AMPD2: variants seen among roughly 807,000 people sequenced by gnomAD.
AMPD2 encodes the protein adenosine monophosphate deaminase 2.
A neutral mutation model predicts 91.3 loss-of-function variants in AMPD2; 52 were observed. The observed-to-expected ratio is 0.57, with a 90% CI of 0.46 to 0.72. The LOEUF (loss-of-function observed/expected upper bound fraction) is 0.72. Among genes scored for constraint, AMPD2 ranks in the 30% least tolerant of loss-of-function variants. AMPD2 has a pLI of 0.00. For missense variants in AMPD2, 822 were observed against 1,122.3 expected (o/e 0.73, Z 3.82); for synonymous variants, 455 against 456.4 (o/e 1.00, Z 0.04).
rs755065350 is a variant in AMPD2 at position 109,629,814 on chromosome 1, G to A, written c.1881G>A (p.Thr627=). ...CCCCCAGGCAGAGGGGCTTCCACAC[G>A]TTTGTGCTGAGGCCACACTGTGGGG... ...NHLRRQRGFH[T]FVLRPHCGEA... The change falls in exon 16 of 19, where the codon ACG becomes ACA. Residue 627 remains threonine, a synonymous_variant. Coordinates refer to ENST00000528667, the MANE Select transcript of AMPD2 (RefSeq NM_001368809.2). 1.4e-5 allele frequency: 22 copies of A among 1,607,238 alleles called. No individual in the cohort carries two copies. The highest frequency in any genetic ancestry group is 8.9e-5 in the East Asian group (4 of 44,750).
intron 2 of AMPD2, chr1:109,622,434 G>A: frequency 2.7e-6 from 1 of 375,778 alleles, no homozygotes; most frequent in Non-Finnish European, 5.3e-6. Flanking sequence ...TGTGTGAGGG[G>A]CTCCTGGTCG....
Position 109,626,160 on chromosome 1 carries a change from G to T in AMPD2, c.354G>T (p.Lys118Asn). ...GACTTCTCACCCCTCTTGCCTCTAG[G>T]CTGGAGCCAGACATCCTGCTTCGGG... ...RLERQISQDV[K>N]LEPDILLRAK... is the part of the protein sequence containing the mutation. Residue 118 changes from lysine (K) to asparagine (N), a missense_variant and splice_region_variant, in exon 5 of 19, where the codon AAG (lysine) becomes AAT (asparagine). Around this residue, in one of 5 missense-constraint regions of AMPD2, gnomAD observed 240 missense variants for 270.3 expected, o/e 0.89. Transcript: ENST00000528667. 6.2e-7 allele frequency: 1 copy of T among 1,614,162 alleles called. No individual in the cohort carries two copies. The highest frequency in any genetic ancestry group is 8.5e-7 in the Non-Finnish European group (1 of 1,180,014).
Position 109,626,708 on chromosome 1 carries a change from G to A in AMPD2, c.532-18G>A, listed in dbSNP as rs41314005. On this transcript the variant is annotated intron_variant, in intron 6 of 18. Transcript: ENST00000528667. The stretch of plus-strand genomic sequence containing the variant: ...GAGTCCAAGACTGAGGAGAGTGATC[G>A]CATATCCTCATCTCCAGGTGCCGTT... The A allele has an allele frequency of 2.1e-4, 339 of 1,607,002 alleles. No individual in the cohort carries two copies. Among genetic ancestry groups the A allele is most frequent in the Non-Finnish European group, 1.6e-4 (188 of 1,175,822 alleles).
chr1:109,621,921 G>C (rs1650307860), intron 2 of AMPD2, among the ~76,000 whole-genome samples: 1 of 152,238 alleles, frequency 6.6e-6, no homozygotes, highest in Non-Finnish European at 1.5e-5. Context: ...TGCACCCTTT[G>C]GTTCGTCTCT....
Position 109,629,851 on chromosome 1 carries a change from A to C in AMPD2, c.1918A>C (p.Ile640Leu), listed in dbSNP as rs1651048101. ...GCCACACTGTGGGGAGGCTGGGCCC[A>C]TCCACCACCTGGTGTCAGCCTTCAT... is the stretch of plus-strand genomic sequence containing the variant. ...LRPHCGEAGP[I>L]HHLVSAFMLA... Residue 640 changes from isoleucine (I) to leucine (L), a missense_variant, in exon 16 of 19, where the codon ATC (isoleucine) becomes CTC (leucine). Ile to Leu is a conservative substitution (Grantham distance 5). Transcript: ENST00000528667. 1.2e-6 allele frequency: 2 copies of C among 1,612,522 alleles called. No homozygotes were observed.
In AMPD2 at chr1:109,628,492, C is replaced by T. The variant is rs759000318; in HGVS notation, c.1404C>T (p.Ile468=). 1.9e-6 allele frequency: 3 copies of T among 1,612,262 alleles called. No homozygotes were observed. The highest frequency in any genetic ancestry group is 2.5e-6 in the Non-Finnish European group (3 of 1,180,000). ...CTGGGAAGTACTTTGCTCACATCAT[C>T]AAGGTAAGGAGGCAGCCTTCCCTGC... is the stretch of plus-strand genomic sequence containing the variant. The part of the protein sequence containing the change: ...RVSGKYFAHI[I]KEVMSDLEES... The change falls in exon 12 of 19, where the codon ATC becomes ATT. Residue 468 remains isoleucine (I), a synonymous_variant. Coordinates refer to ENST00000528667, the MANE Select transcript of AMPD2 (RefSeq NM_001368809.2). This position sits in a 1 kb window ranked among gnomAD's most constrained non-coding sequence, Gnocchi z 7.1.
At position 109,625,851 on chromosome 1, in the gene AMPD2, C is replaced by A. The variant is rs1307305691; in HGVS notation, c.353+59C>A. 6 of 1,602,654 alleles carry A rather than the reference C, an allele frequency of 3.7e-6. No homozygotes were observed. The highest frequency in any genetic ancestry group is 4.3e-6 in the Non-Finnish European group (5 of 1,172,714). On this transcript the variant is annotated intron_variant, in intron 4 of 18. Coordinates refer to ENST00000528667, the MANE Select transcript of AMPD2 (RefSeq NM_001368809.2). The surrounding 1 kb of genome is among the most constrained non-coding windows in gnomAD (Gnocchi z 4.0). Reference sequence around the variant, plus strand: ...CATACCCTTCCAGACCCTTTCAGAGCCCCTTTTCTGCCTCTTTCCCTCGCA... The same window carrying A: ...CATACCCTTCCAGACCCTTTCAGAGACCCTTTTCTGCCTCTTTCCCTCGCA...
Position 109,630,699 on chromosome 1 carries a change from A to T in AMPD2, c.2174A>T (p.Glu725Val), listed in dbSNP as rs748638457. The T allele has an allele frequency of 6.2e-7, 1 of 1,611,864 alleles. No homozygotes were observed. Among genetic ancestry groups the T allele is most frequent in the Non-Finnish European group, 8.5e-7 (1 of 1,179,434 alleles). The change falls in exon 18 of 19, where the codon GAG becomes GTG. Residue 725 changes from glutamate to valine, a missense_variant. This residue lies in a region of AMPD2 where 430 missense variants were observed against 606.0 expected (regional missense o/e 0.71). Coordinates refer to ENST00000528667, the MANE Select transcript of AMPD2 (RefSeq NM_001368809.2). Reference sequence around the variant, plus strand: ...CCCGTGCAGGAGCCGCTGATGGAGGAGTACAGCATCGCCACCCAGGTGTGG... The same window carrying T: ...CCCGTGCAGGAGCCGCTGATGGAGGTGTACAGCATCGCCACCCAGGTGTGG... ...FHFTKEPLME[E>V]YSIATQVWKL... is the part of the protein sequence containing the mutation.
At chr1:109,622,541 G>A (rs1360962709) in intron 2 of AMPD2, among the ~76,000 whole-genome samples, 1 of 152,180 alleles carries the variant, frequency 6.6e-6, no homozygotes, top group African/African-American at 2.4e-5. Flanking sequence ...AAGTGTGGGT[G>A]TATGTGTGTG....
chr1:109,629,505 C>G lies in AMPD2; in HGVS notation c.1862+15C>G. The G allele has an allele frequency of 6.2e-7, 1 of 1,610,350 alleles. No homozygotes were observed. Among genetic ancestry groups the G allele is most frequent in the Non-Finnish European group, 8.5e-7 (1 of 1,177,746 alleles). ...CACCTGCGCAGGTGCCTGCACCACC[C>G]TGTGTCTGCTTGCTATGCCATCTCT... On this transcript the variant is annotated intron_variant, in intron 15 of 18. Transcript: ENST00000528667.
chr1:109,625,154 C>T lies in AMPD2; in HGVS notation c.92-149C>T, dbSNP rs1650552693. 1.8e-6 allele frequency: 2 copies of T among 1,125,698 alleles called. No homozygotes were observed. The highest frequency in any genetic ancestry group is 2.5e-6 in the Non-Finnish European group (2 of 807,488). The allele number at this position is 1,125,698 out of a possible 1,614,324, so 69.7% of individuals were successfully genotyped here. ...GAGGGTGAGCCCTTTGGGAGCCACA[C>T]ACACAGGCCTACTCCTCAGCTACTG... On this transcript the variant is annotated intron_variant, in intron 2 of 18. Coordinates refer to ENST00000528667, the MANE Select transcript of AMPD2 (RefSeq NM_001368809.2). This position sits in a 1 kb window ranked among gnomAD's most constrained non-coding sequence, Gnocchi z 4.0.
Position 109,621,310 on chromosome 1 carries a change from T to C in AMPD2, c.91+44T>C, listed in dbSNP as rs758290073. ...GCCTCAGGATAGATGCTGGGCTCTGTCTTGCCACCTCTCGCCCAAGGTGCT... is the reference window on the plus strand; with the variant it reads ...GCCTCAGGATAGATGCTGGGCTCTGCCTTGCCACCTCTCGCCCAAGGTGCT... On this transcript the variant is annotated intron_variant, in intron 2 of 18. Coordinates refer to ENST00000528667, the MANE Select transcript of AMPD2 (RefSeq NM_001368809.2). The C allele has an allele frequency of 3.1e-6, 5 of 1,598,064 alleles. No individual in the cohort carries two copies. In the East Asian group the frequency reaches 1.1e-4, roughly 36 times the overall value.
chr1:109,626,975 G>T, intron 7 of AMPD2, 63 bp downstream of exon 7: 1 of 1,568,912 alleles, frequency 6.4e-7, no homozygotes, highest in Non-Finnish European at 8.6e-7. Flanking sequence ...TCAGCCTGGT[G>T]CCTGGGCACC....
chr1:109,629,729 G>GT, intron 15 of AMPD2, 67 bp from the exon 16 acceptor site: 1 of 1,534,830 alleles, frequency 6.5e-7, no homozygotes, highest in Non-Finnish European at 8.8e-7. Context: ...CTGGGTGGGG[G>GT]TCAGGGGCTC....
At chr1:109,620,794 G>T in intron 1 of AMPD2, 120 bp from the exon 2 acceptor site, 1 of 1,321,610 alleles carries the variant, frequency 7.6e-7, no homozygotes. Context: ...CTGGACTTTG[G>T]CTTCTTTGCC....
chr1:109,620,466 G>A, intron 1 of AMPD2, 188 bp downstream of exon 1: 1 of 1,204,094 alleles, frequency 8.3e-7, no homozygotes, highest in Non-Finnish European at 1.1e-6. Flanking sequence ...AGAGGCTAGG[G>A]TCTCTGTCCC....
chr1:109,628,905 C>T lies in AMPD2; in HGVS notation c.1571+99C>T. On this transcript the variant is annotated intron_variant, in intron 13 of 18. Transcript: ENST00000528667. This position sits in a 1 kb window ranked among gnomAD's most constrained non-coding sequence, Gnocchi z 7.1. ...TAGGATGGCTGAGCCTCCCTTGTCCCTGCCAACCCCTCTGAGTGCAAGGAA... is the reference window on the plus strand; with the variant it reads ...TAGGATGGCTGAGCCTCCCTTGTCCTTGCCAACCCCTCTGAGTGCAAGGAA... 2 of 1,470,660 alleles carry T rather than the reference C, an allele frequency of 1.4e-6. No homozygotes were observed. The highest frequency in any genetic ancestry group is 4.4e-5 in the Admixed American group (2 of 45,944). The allele number at this position is 1,470,660 out of a possible 1,614,324, so 91.1% of individuals were successfully genotyped here.
rs954785479 is a variant in AMPD2 at position 109,631,566 on chromosome 1, G to A, written c.*414G>A. The A allele has an allele frequency of 3.2e-5, 9 of 280,956 alleles. No homozygotes were observed. The highest frequency in any genetic ancestry group is 9.5e-5 in the East Asian group (1 of 10,510). The allele number at this position is 280,956 out of a possible 1,614,324, so 17.4% of individuals were successfully genotyped here. ...AGGCCCCTGTCTTGTTCATGTAGCC[G>A]AGGGGCAGGCGGGGGACCTCTACAC... On this transcript the variant is annotated 3_prime_UTR_variant, in exon 19 of 19. Transcript: ENST00000528667.
At chr1:109,621,439 T>TGGGGGGGTTGGGGGGGGGGGGGGGGGGG in intron 2 of AMPD2, 173 bp downstream of exon 2, 1 of 121,628 alleles carries the variant, frequency 8.2e-6, no homozygotes, top group East Asian at 3.0e-4. Flanking sequence ...TGAGGGGTGG[T>TGGGGGGGTTGGGGGGGGGGGGGGGGGGG]GGGGGGCGGG....
Sources: allele counts gnomAD v4.1 joint callset (sites outside exome capture counted in the v4.1 genomes callset), GRCh38; gene constraint gnomAD v4.1.1; regional missense constraint gnomAD v4.1.1; non-coding constraint Gnocchi (gnomAD v3.1); transcripts MANE v1.5; gene names NCBI Gene and HGNC (gene_info 2026-07-23, HGNC 2026-07-21).